CNNM2: variants seen among roughly 807,000 people sequenced by gnomAD.
CNNM2 encodes cyclin and CBS domain divalent metal cation transport mediator 2, also known as metal transporter CNNM2.
CNNM2 carries 12 observed loss-of-function variants against 66.9 expected under a neutral mutation model. That is an observed-to-expected ratio of 0.18 (90% confidence interval 0.11 to 0.29). The LOEUF is 0.29. CNNM2 is among the 10% of genes least tolerant of loss of function. The probability of loss-of-function intolerance (pLI) is 1.00; values close to 1 mark genes in which losing one functional copy is unlikely to be tolerated. For synonymous variants in CNNM2, 557 were observed against 501.8 expected, an observed-to-expected ratio of 1.11 and a Z score of -1.47; for missense variants, 705 against 1,167.7, an observed-to-expected ratio of 0.60 and a Z score of 5.77.
intron 1 of CNNM2, among the ~76,000 whole-genome samples, chr10:102,948,614 T>G (rs1349326169): frequency 6.6e-6 from 1 of 152,184 alleles, no homozygotes; most frequent in East Asian, 1.9e-4. Flanking sequence ...GTTCCAGGAT[T>G]TCTTCTAAGA....
At chr10:102,986,396 G>A (rs1175227757) in intron 1 of CNNM2, among the ~76,000 whole-genome samples, 1 of 152,058 alleles carries the variant, frequency 6.6e-6, no homozygotes, top group Non-Finnish European at 1.5e-5. Context: ...CATTTGTAAA[G>A]CCTCAGAAGC....
At position 103,089,324 on chromosome 10, in the gene CNNM2, C is replaced by T. The variant is rs2066114363; in HGVS notation, c.*12144C>T. 8.1e-6 allele frequency: 2 copies of T among 248,142 alleles called. No individual in the cohort carries two copies. The highest frequency in any genetic ancestry group is 1.6e-5 in the Non-Finnish European group (2 of 128,752). 15.4% of individuals were successfully genotyped at this position (248,142 alleles called of 1,614,324 possible). On this transcript the variant is annotated 3_prime_UTR_variant, in exon 8 of 8. Transcript: ENST00000369878. ...GATCACCTCTTCCCACTCTTTGTTC[C>T]ACTCTGAGACTCTTTCCTTTTCCTC...
intron 1 of CNNM2, among the ~76,000 whole-genome samples, chr10:102,947,770 G>A (rs1367541818): frequency 2.0e-5 from 3 of 151,046 alleles, no homozygotes; most frequent in East Asian, 3.9e-4. Context: ...CAAACAAACA[G>A]GCCAGGCGCG....
intron 1 of CNNM2, among the ~76,000 whole-genome samples, chr10:102,931,601 T>C (rs1846067414): frequency 1.3e-5 from 2 of 152,092 alleles, no homozygotes; most frequent in Non-Finnish European, 2.9e-5. Context: ...AGGTGATCCA[T>C]CCGCCTTGGC....
chr10:102,980,399 T>A (rs909840605), intron 1 of CNNM2, among the ~76,000 whole-genome samples: 2 of 151,572 alleles, frequency 1.3e-5, no homozygotes, highest in Non-Finnish European at 2.9e-5. Flanking sequence ...GCCTCCTGAG[T>A]AGCTGGACTA....
intron 1 of CNNM2, among the ~76,000 whole-genome samples, chr10:103,005,834 T>C (rs1380942468): frequency 1.3e-5 from 2 of 152,088 alleles, no homozygotes; most frequent in African/African-American, 2.4e-5. Context: ...TCTCCAACAG[T>C]CCTCTTGCCT....
At chr10:102,949,081 C>T (rs542983677) in intron 1 of CNNM2, among the ~76,000 whole-genome samples, 110 of 152,268 alleles carry the variant, frequency 7.2e-4, no homozygotes, top group Non-Finnish European at 1.5e-3. Context: ...TGACACAGCA[C>T]CAACTACAGT....
chr10:102,941,510 C>G (rs1017005996), intron 1 of CNNM2, among the ~76,000 whole-genome samples: 11 of 152,192 alleles, frequency 7.2e-5, no homozygotes, highest in African/African-American at 2.7e-4. Flanking sequence ...GCTGCATCTC[C>G]TACTCCTCCA....
At chr10:103,033,763 G>A (rs2064875144) in intron 1 of CNNM2, among the ~76,000 whole-genome samples, 1 of 152,218 alleles carries the variant, frequency 6.6e-6, no homozygotes, top group Non-Finnish European at 1.5e-5. Flanking sequence ...GGGATTACAG[G>A]CGTGAGCCAC....
At chr10:102,959,526 A>G (rs1847167037) in intron 1 of CNNM2, among the ~76,000 whole-genome samples, 2 of 152,188 alleles carry the variant, frequency 1.3e-5, no homozygotes, top group Non-Finnish European at 2.9e-5. Flanking sequence ...ATAGCTGCAT[A>G]ACACCAGGAA....
chr10:103,065,244 T>TA (rs1213390760), intron 4 of CNNM2, among the ~76,000 whole-genome samples: 1 of 152,206 alleles, frequency 6.6e-6, no homozygotes. Context: ...GACAGAGCCT[T>TA]AAAGCAATGA....
chr10:103,036,591 G>A (rs957895183), intron 1 of CNNM2, among the ~76,000 whole-genome samples: 2 of 152,028 alleles, frequency 1.3e-5, no homozygotes, highest in Non-Finnish European at 2.9e-5. Context: ...ATCGAGGTGG[G>A]GTCTCTGCTA....
intron 1 of CNNM2, among the ~76,000 whole-genome samples, chr10:103,032,661 CTTTTTT>C (rs11300982): frequency 8.3e-6 from 1 of 120,588 alleles, no homozygotes; most frequent in African/African-American, 3.2e-5. Context: ...TGATGTAGCT[CTTTTTT>C]TTTTTTTTTT....
chr10:103,070,906 G>A (rs150518753), intron 5 of CNNM2, among the ~76,000 whole-genome samples: 12 of 152,298 alleles, frequency 7.9e-5, no homozygotes, highest in Non-Finnish European at 1.5e-4. Context: ...CTCCAGCCCA[G>A]GTGACAGAGC....
At chr10:103,060,434 A>C (rs2065365133) in intron 4 of CNNM2, among the ~76,000 whole-genome samples, 1 of 151,084 alleles carries the variant, frequency 6.6e-6, no homozygotes, top group Non-Finnish European at 1.5e-5. Context: ...GGTGGCAGCT[A>C]CTCAGGAGGC....
chr10:102,968,128 T>G (rs1029813429), intron 1 of CNNM2, among the ~76,000 whole-genome samples: 7 of 150,606 alleles, frequency 4.6e-5, no homozygotes, highest in Non-Finnish European at 8.9e-5. Context: ...TATATATATT[T>G]TACTTTTCAA....
chr10:103,045,538 C>G (rs1159269656), intron 1 of CNNM2, among the ~76,000 whole-genome samples: 1 of 152,134 alleles, frequency 6.6e-6, no homozygotes, highest in African/African-American at 2.4e-5. Context: ...TCTGGGTGAA[C>G]TTACCCAACT....
chr10:103,024,126 G>T (rs2134290405), intron 1 of CNNM2, among the ~76,000 whole-genome samples: 1 of 152,206 alleles, frequency 6.6e-6, no homozygotes, highest in East Asian at 1.9e-4. Flanking sequence ...ATGCAATCAA[G>T]ATTTTTGCAT....
chr10:102,934,461 A>G (rs1253741147), intron 1 of CNNM2, among the ~76,000 whole-genome samples: 4 of 151,630 alleles, frequency 2.6e-5, no homozygotes, highest in Admixed American at 6.6e-5. Flanking sequence ...TTGTATTTTT[A>G]GTAGAGGTGA....
Sources: gnomAD v4.1 joint callset for allele counts (sites outside exome capture counted in the v4.1 genomes callset) on GRCh38, gnomAD v4.1.1 for gene constraint, MANE v1.5 for transcripts, NCBI Gene and HGNC (gene_info 2026-07-23, HGNC 2026-07-21) for gene names.